Variants in C11orf54 observed in about 807,000 individuals in gnomAD.
C11orf54 encodes the protein beta-keto-L-gulonate decarboxylase.
C11orf54 carries 29 observed loss-of-function variants against 35.5 expected under a neutral mutation model. The observed-to-expected ratio is 0.82, with a 90% CI of 0.61 to 1.11. The LOEUF is 1.11. Ranked by LOEUF, C11orf54 falls within the 50% of genes most tolerant of loss-of-function variation. The probability of loss-of-function intolerance (pLI) is 0.00; values close to 1 mark genes in which losing one functional copy is unlikely to be tolerated. For synonymous variants in C11orf54, 108 were observed against 121.1 expected, an observed-to-expected ratio of 0.89 and a Z score of 0.71; for missense variants, 373 against 369.2, an observed-to-expected ratio of 1.01 and a Z score of -0.08.
In C11orf54 at chr11:93,757,443, GA is replaced by G. The variant is rs2135660852; in HGVS notation, c.639del (p.Val214Ter). On this transcript the variant is annotated frameshift_variant, in exon 7 of 9. Coordinates refer to ENST00000354421, the MANE Select transcript of C11orf54 (RefSeq NM_001286069.2). LOFTEE classifies it high-confidence loss of function. ...GMGGTFIIQK[G>X]KVKSHIMPAE... is the part of the protein sequence containing the mutation. ...GGAGGTACTTTCATAATTCAGAAGG[GA>G]AAAGTGAAGTCTCACATTATGGTAA... is the stretch of plus-strand genomic sequence containing the variant. 1 of 1,598,030 alleles carries G rather than the reference GA, an allele frequency of 6.3e-7. No individual in the cohort carries two copies. Among genetic ancestry groups the G allele is most frequent in the East Asian group, 2.2e-5 (1 of 44,866 alleles).
chr11:93,750,272 C>G (rs1942744592), intron 2 of C11orf54, 74 bp from the exon 3 acceptor site: 1 of 1,137,186 alleles, frequency 8.8e-7, no homozygotes, highest in African/African-American at 1.5e-5. Flanking sequence ...TGTTGAGAGC[C>G]ACATACCACT....
intron 1 of C11orf54, among the ~76,000 whole-genome samples, chr11:93,743,782 C>A (rs867416518): frequency 6.6e-6 from 1 of 152,122 alleles, no homozygotes; most frequent in Non-Finnish European, 1.5e-5. Flanking sequence ...AGTTTAGTTG[C>A]GATAGTTGGT....
intron 7 of C11orf54, among the ~76,000 whole-genome samples, chr11:93,758,861 T>A (rs2135669963): frequency 6.6e-6 from 1 of 152,320 alleles, no homozygotes; most frequent in East Asian, 1.9e-4. Flanking sequence ...GAGGCCCCAC[T>A]TTCGGGCCAG....
At chr11:93,755,480 A>T in intron 6 of C11orf54, 94 bp downstream of exon 6, 1 of 1,417,480 alleles carries the variant, frequency 7.1e-7, no homozygotes. Context: ...TTTGCTAAGA[A>T]AATTAGTTTC....
intron 1 of C11orf54, chr11:93,746,264 G>T (rs1942468719): frequency 6.6e-6 from 1 of 152,218 alleles, no homozygotes; most frequent in African/African-American, 2.4e-5. Flanking sequence ...AAATAGGCAT[G>T]TTAAGGGCAG....
At chr11:93,743,460 G>T (rs1026818223) in intron 1 of C11orf54, among the ~76,000 whole-genome samples, 1 of 152,190 alleles carries the variant, frequency 6.6e-6, no homozygotes, top group Non-Finnish European at 1.5e-5. Context: ...CTCGCGGGAG[G>T]GGGGGCGCGA....
chr11:93,758,801 G>C (rs1478351783), intron 7 of C11orf54, among the ~76,000 whole-genome samples: 1 of 152,252 alleles, frequency 6.6e-6, no homozygotes, highest in South Asian at 2.1e-4. Context: ...TTCCGTGATC[G>C]GCAGCAGGAG....
At chr11:93,746,693 T>C (rs1046123341) in intron 1 of C11orf54, 2 of 152,344 alleles carry the variant, frequency 1.3e-5, no homozygotes, top group East Asian at 3.9e-4. Context: ...GGCTAATCAT[T>C]CCATAAAAGT....
At chr11:93,743,408 C>G (rs1035249794) in intron 1 of C11orf54, among the ~76,000 whole-genome samples, 1 of 152,188 alleles carries the variant, frequency 6.6e-6, no homozygotes, top group African/African-American at 2.4e-5. Flanking sequence ...GTGGGTCTTG[C>G]GGCTGCGGTG....
At chr11:93,754,408 T>C (rs1943017376) in intron 5 of C11orf54, among the ~76,000 whole-genome samples, 1 of 152,234 alleles carries the variant, frequency 6.6e-6, no homozygotes, top group Non-Finnish European at 1.5e-5. Flanking sequence ...ATATTAGTGA[T>C]CTAGTCAACT....
Position 93,750,393 on chromosome 11 carries a change from G to A in C11orf54, c.103G>A (p.Val35Ile). The A allele has an allele frequency of 6.2e-7, 1 of 1,613,868 alleles. No individual in the cohort carries two copies. Among genetic ancestry groups the A allele is most frequent in the Non-Finnish European group, 8.5e-7 (1 of 1,179,896 alleles). The change falls in exon 3 of 9, where the codon GTA becomes ATA. Residue 35 changes from valine (V) to isoleucine (I), a missense_variant. Val to Ile is a conservative substitution (Grantham distance 29, BLOSUM62 3). Transcript: ENST00000354421. ...KDNFADVQVS[V>I]VDCPDLTKEP... ...TAACTTTGCTGATGTCCAGGTCTCTGTAGTTGATTGCCCTGATTTGACTAA... is the reference window on the plus strand; with the variant it reads ...TAACTTTGCTGATGTCCAGGTCTCTATAGTTGATTGCCCTGATTTGACTAA...
At chr11:93,744,547 A>G (rs1942338686) in intron 1 of C11orf54, among the ~76,000 whole-genome samples, 1 of 152,208 alleles carries the variant, frequency 6.6e-6, no homozygotes, top group African/African-American at 2.4e-5. Context: ...TTGCTTGATA[A>G]AGAATGTGAT....
rs897154881 is a variant in C11orf54 at position 93,762,680 on chromosome 11, G to T, written c.*992G>T. Reference sequence around the variant, plus strand: ...GTTGGCTAGCCATAATTCCTCCCTTGTTTCGATTGCCAGTTAGAAGCAATT... The same window carrying T: ...GTTGGCTAGCCATAATTCCTCCCTTTTTTCGATTGCCAGTTAGAAGCAATT... On this transcript the variant is annotated 3_prime_UTR_variant, in exon 9 of 9. Coordinates refer to ENST00000354421, the MANE Select transcript of C11orf54 (RefSeq NM_001286069.2). 4.6e-5 allele frequency: 7 copies of T among 152,148 alleles called. No homozygotes were observed. The highest frequency in any genetic ancestry group is 1.0e-4 in the Non-Finnish European group (7 of 68,034). The allele number at this position is 152,148 out of a possible 1,614,324, so 9.4% of individuals were successfully genotyped here.
intron 5 of C11orf54, 180 bp from the exon 6 acceptor site, chr11:93,755,030 C>T (rs1943057627): frequency 3.3e-6 from 2 of 614,140 alleles, no homozygotes; most frequent in South Asian, 2.3e-5. Context: ...AGCCACAGCG[C>T]CCGGCCTATA....
At position 93,751,561 on chromosome 11, in the gene C11orf54, C is replaced by T. The variant is rs74323218; in HGVS notation, c.154+1117C>T. On this transcript the variant is annotated intron_variant, in intron 3 of 8. Coordinates refer to ENST00000354421, the MANE Select transcript of C11orf54 (RefSeq NM_001286069.2). The stretch of plus-strand genomic sequence containing the variant: ...CTGAGACTACAGGCATGTGCCACCA[C>T]GCCTGGCTAATTTTTTGTATTTTTA... Among the ~76,000 whole-genome samples the T allele has an allele frequency of 1.3e-4, 20 of 151,644 alleles. No individual in the cohort carries two copies. In the East Asian group the frequency reaches 1.9e-3, roughly 15 times the overall value.
At position 93,759,849 on chromosome 11, in the gene C11orf54, C is replaced by T. The variant is rs186645027; in HGVS notation, c.765C>T (p.Ser255=). The T allele has an allele frequency of 2.7e-4, 429 of 1,575,372 alleles. 2 individuals carry two copies. Among genetic ancestry groups the T allele is most frequent in the Non-Finnish European group, 1.7e-5 (20 of 1,147,510 alleles). The change falls in exon 8 of 9, where the codon TCC becomes TCT. Residue 255 remains serine, a synonymous_variant. Coordinates refer to ENST00000354421, the MANE Select transcript of C11orf54 (RefSeq NM_001286069.2). The part of the protein sequence containing the change: ...APLVCLPVFV[S]RDPGFDLRLE... ...TGGTTTGTCTACCAGTTTTTGTCTC[C>T]AGAGACCCAGTAAGTCTGTGTCTGT...
At chr11:93,753,869 T>G in intron 4 of C11orf54, 67 bp from the exon 5 acceptor site, 3 of 1,541,958 alleles carry the variant, frequency 1.9e-6, no homozygotes, top group Admixed American at 1.7e-5. Context: ...AATGGATCAG[T>G]AATAAAAGGT....
intron 3 of C11orf54, among the ~76,000 whole-genome samples, chr11:93,751,878 C>T (rs188053341): frequency 3.1e-5 from 4 of 126,988 alleles, no homozygotes; most frequent in Admixed American, 2.0e-4. Flanking sequence ...CTCGCTCTGT[C>T]GCCCAGACTG....
chr11:93,742,090 G>A (rs891665112), intron 1 of C11orf54: 1 of 153,732 alleles, frequency 6.5e-6, no homozygotes, highest in Non-Finnish European at 1.4e-5. Flanking sequence ...TTTTGCACCT[G>A]TTTCGTAAGC....
Sources: allele counts gnomAD v4.1 joint callset (sites outside exome capture counted in the v4.1 genomes callset), GRCh38; gene constraint gnomAD v4.1.1; transcripts MANE v1.5; gene names NCBI Gene and HGNC (gene_info 2026-07-23, HGNC 2026-07-21).